The following FNBP1L variants were observed in gnomAD, a reference collection of about 807,000 sequenced individuals.
The protein encoded by FNBP1L is formin binding protein 1 like.
Under a neutral mutation model 91.2 loss-of-function variants are expected in FNBP1L, and 36 were observed. The observed-to-expected ratio is 0.39, with a 90% CI of 0.30 to 0.52. The LOEUF is 0.52. FNBP1L is among the 20% of genes least tolerant of loss of function. The pLI is 0.66. For synonymous variants in FNBP1L, 242 were observed against 237.0 expected, an observed-to-expected ratio of 1.02 and a Z score of -0.19; for missense variants, 571 against 732.1, an observed-to-expected ratio of 0.78 and a Z score of 2.54.
At chr1:93,512,987 G>A (rs1478741469) in intron 2 of FNBP1L, among the ~76,000 whole-genome samples, 1 of 152,110 alleles carries the variant, frequency 6.6e-6, no homozygotes, top group African/African-American at 2.4e-5. Context: ...TCCAGGAGCT[G>A]GTTTTTTGAA....
chr1:93,533,048 A>G lies in FNBP1L; in HGVS notation c.766A>G (p.Lys256Glu), dbSNP rs772674673. 7 of 1,611,950 alleles carry G rather than the reference A, an allele frequency of 4.3e-6. No individual in the cohort carries two copies. The African/African-American group carries it at 8.0e-5, about 18-fold the overall frequency. The change falls in exon 8 of 17, where the codon AAA (lysine) becomes GAA (glutamate). Residue 256 changes from lysine (K) to glutamate (E), a missense_variant. Around this residue, in one of 5 missense-constraint regions of FNBP1L, gnomAD observed 220 missense variants for 313.6 expected, o/e 0.70. Coordinates refer to ENST00000271234, the MANE Select transcript of FNBP1L (RefSeq NM_001164473.3). ...TTTGGAAGGAATGATTCTTGCAGCAAAATCAGTTGATGAAAGAAGAGTAAG... is the reference window on the plus strand; with the variant it reads ...TTTGGAAGGAATGATTCTTGCAGCAGAATCAGTTGATGAAAGAAGAGTAAG... ...KCLEGMILAA[K>E]SVDERRDSQM...
At chr1:93,455,959 G>A (rs1350329972) in intron 1 of FNBP1L, among the ~76,000 whole-genome samples, 4 of 152,210 alleles carry the variant, frequency 2.6e-5, no homozygotes, top group African/African-American at 9.6e-5. Flanking sequence ...ATAGGGGGAT[G>A]CCGTCGGGCA....
intron 9 of FNBP1L, 149 bp downstream of exon 9, chr1:93,535,057 T>C: frequency 1.5e-6 from 1 of 665,616 alleles, no homozygotes; most frequent in Non-Finnish European, 2.6e-6. Context: ...ATATTAGGAA[T>C]ACCTTAACAG....
chr1:93,516,686 A>ATCCCAGC (rs1229941524), intron 2 of FNBP1L, among the ~76,000 whole-genome samples: 2 of 152,032 alleles, frequency 1.3e-5, no homozygotes, highest in Admixed American at 1.3e-4. Flanking sequence ...GGCACCTGTA[A>ATCCCAGC]TCCCAGCTAC....
intron 1 of FNBP1L, among the ~76,000 whole-genome samples, chr1:93,490,385 T>C (rs1670053496): frequency 6.6e-6 from 1 of 152,204 alleles, no homozygotes; most frequent in Admixed American, 6.5e-5. Flanking sequence ...AAAATAACTT[T>C]AAATATTTTA....
At chr1:93,501,411 T>A (rs1171622265) in intron 2 of FNBP1L, among the ~76,000 whole-genome samples, 1 of 152,118 alleles carries the variant, frequency 6.6e-6, no homozygotes, top group African/African-American at 2.4e-5. Context: ...GGCACAGGGT[T>A]TTGATGTGTC....
At chr1:93,520,914 C>T (rs745766425) in intron 2 of FNBP1L, among the ~76,000 whole-genome samples, 18 of 152,056 alleles carry the variant, frequency 1.2e-4, no homozygotes, top group Admixed American at 1.0e-3. Flanking sequence ...TGGTGGCATG[C>T]ACCTGTAATC....
chr1:93,539,457 C>T (rs996961744), intron 10 of FNBP1L, among the ~76,000 whole-genome samples: 59 of 151,796 alleles, frequency 3.9e-4, no homozygotes, highest in African/African-American at 1.4e-3. Flanking sequence ...TGTATATCCC[C>T]AAATCTAATT....
In FNBP1L at chr1:93,547,414, A is replaced by C. The variant is rs1672278902; in HGVS notation, c.1475A>C (p.Asn492Thr). The C allele has an allele frequency of 2.6e-6, 4 of 1,558,418 alleles. No homozygotes were observed. In the African/African-American group the frequency reaches 5.5e-5, roughly 21 times the overall value. ...RGDRRHSSDI[N>T]HLVTQGRESP... Reference sequence around the variant, plus strand: ...GACAGAAGACATAGCAGTGACATAAATCATCTTGTAACACAGGGACGAGAA... The same window carrying C: ...GACAGAAGACATAGCAGTGACATAACTCATCTTGTAACACAGGGACGAGAA... Residue 492 changes from asparagine to threonine, a missense_variant, in exon 14 of 17, where the codon AAT becomes ACT. By Grantham distance (65) the Asn-to-Thr change is moderately conservative. This residue lies in a region of FNBP1L where 189 missense variants were observed against 219.7 expected (regional missense o/e 0.86). Coordinates refer to ENST00000271234, the MANE Select transcript of FNBP1L (RefSeq NM_001164473.3).
chr1:93,511,782 C>T (rs1182447827), intron 2 of FNBP1L, among the ~76,000 whole-genome samples: 5 of 151,748 alleles, frequency 3.3e-5, no homozygotes, highest in Admixed American at 6.6e-5. Context: ...CCGGCTAAAA[C>T]GGTGAAACCC....
At chr1:93,509,236 C>G (rs1333115376) in intron 2 of FNBP1L, among the ~76,000 whole-genome samples, 3 of 152,164 alleles carry the variant, frequency 2.0e-5, no homozygotes, top group Non-Finnish European at 4.4e-5. Flanking sequence ...AAGTCAGCTA[C>G]AAGTTCAGAC....
At chr1:93,527,364 GA>G (rs1316452778) in intron 5 of FNBP1L, among the ~76,000 whole-genome samples, 1 of 152,192 alleles carries the variant, frequency 6.6e-6, no homozygotes, top group Admixed American at 6.5e-5. Context: ...GAAAAATGGG[GA>G]CAGGGTGTTT....
At chr1:93,457,384 A>G (rs1668706643) in intron 1 of FNBP1L, among the ~76,000 whole-genome samples, 1 of 152,292 alleles carries the variant, frequency 6.6e-6, no homozygotes, top group Non-Finnish European at 1.5e-5. Context: ...TTTTATGTAT[A>G]GAATTTGTGT....
chr1:93,517,079 G>A (rs1368114943), intron 2 of FNBP1L, among the ~76,000 whole-genome samples: 7 of 140,002 alleles, frequency 5.0e-5, no homozygotes, highest in African/African-American at 1.1e-4. Context: ...TTGCTCTGTC[G>A]CCCAGGTTGG....
At position 93,465,376 on chromosome 1, in the gene FNBP1L, G is replaced by A. The variant is rs1991291; in HGVS notation, c.24+17071G>A. On this transcript the variant is annotated intron_variant, in intron 1 of 16. Coordinates refer to ENST00000271234, the MANE Select transcript of FNBP1L (RefSeq NM_001164473.3). ...CCAGCCTCCCACCCCCCAACAGGCC[G>A]CGGTGTGTGATGTTCACCGCCTTGT... Among the ~76,000 whole-genome samples the A allele has an allele frequency of 6.6e-5, 10 of 151,378 alleles. No homozygotes were observed. The South Asian group carries it at 1.9e-3, about 29-fold the overall frequency.
chr1:93,518,803 A>G (rs771668244), intron 2 of FNBP1L, among the ~76,000 whole-genome samples: 1 of 152,302 alleles, frequency 6.6e-6, no homozygotes, highest in Non-Finnish European at 1.5e-5. Context: ...CATAACCACA[A>G]TTGAATTTTA....
chr1:93,526,879 A>G (rs1437002810), intron 5 of FNBP1L, among the ~76,000 whole-genome samples: 1 of 152,228 alleles, frequency 6.6e-6, no homozygotes, highest in Non-Finnish European at 1.5e-5. Context: ...ACTTTTGTAC[A>G]TAAGTAGCCT....
intron 1 of FNBP1L, among the ~76,000 whole-genome samples, chr1:93,490,331 C>CTTTA (rs1262219940): frequency 6.6e-6 from 1 of 152,086 alleles, no homozygotes; most frequent in Non-Finnish European, 1.5e-5. Context: ...CTGATGCCAG[C>CTTTA]TTTAATTTAG....
At chr1:93,526,909 T>G (rs1671512537) in intron 5 of FNBP1L, among the ~76,000 whole-genome samples, 1 of 152,188 alleles carries the variant, frequency 6.6e-6, no homozygotes. Flanking sequence ...CCAGAATTAG[T>G]AGCCTATAGT....
Sources: allele counts gnomAD v4.1 joint callset (sites outside exome capture counted in the v4.1 genomes callset), GRCh38; gene constraint gnomAD v4.1.1; regional missense constraint gnomAD v4.1.1; transcripts MANE v1.5; gene names NCBI Gene and HGNC (gene_info 2026-07-23, HGNC 2026-07-21).